The following PAK5 variants were observed in gnomAD, a reference collection of about 807,000 sequenced individuals.
PAK5 encodes serine/threonine-protein kinase PAK 5.
Under a neutral mutation model 65.9 loss-of-function variants are expected in PAK5, and 16 were observed. The ratio of observed to expected loss-of-function variants is 0.24; its 90% CI spans 0.16 to 0.37. PAK5 has a LOEUF of 0.37. Ranked by LOEUF, PAK5 falls within the 10% of genes least tolerant of loss-of-function variation. The pLI is 1.00. For missense variants in PAK5, 785 were observed against 903.9 expected (o/e 0.87, Z 1.69); for synonymous variants, 371 against 354.9 (o/e 1.05, Z -0.51).
At chr20:9,572,616 G>C (rs974937716) in intron 4 of PAK5, among the ~76,000 whole-genome samples, 1 of 152,210 alleles carries the variant, frequency 6.6e-6, no homozygotes, top group African/African-American at 2.4e-5. Context: ...ACAATGCAGT[G>C]GAATGGGACT....
At chr20:9,544,301 A>G in intron 8 of PAK5, 68 bp downstream of exon 8, 2 of 1,542,570 alleles carry the variant, frequency 1.3e-6, no homozygotes, top group Non-Finnish European at 1.8e-6. Context: ...GTCACCAACT[A>G]TCTCAGAACC....
At chr20:9,579,420 C>T (rs890582346) in intron 4 of PAK5, among the ~76,000 whole-genome samples, 1 of 152,162 alleles carries the variant, frequency 6.6e-6, no homozygotes, top group Non-Finnish European at 1.5e-5. Context: ...GTTTCAGTAA[C>T]TTCTCCGGCA....
At chr20:9,764,986 A>G (rs2048741056) in intron 1 of PAK5, among the ~76,000 whole-genome samples, 1 of 152,166 alleles carries the variant, frequency 6.6e-6, no homozygotes, top group South Asian at 2.1e-4. Flanking sequence ...TTAGGCAATG[A>G]CCTATGAGTG....
At chr20:9,560,191 G>A (rs6039502) in intron 6 of PAK5, among the ~76,000 whole-genome samples, 68,975 of 151,982 alleles carry the variant, frequency 0.45, 19,453 homozygotes, top group African/African-American at 0.8. Flanking sequence ...TCCTAATCCA[G>A]TGTCTTTGAA....
At chr20:9,833,769 A>C (rs1032764670) in intron 1 of PAK5, among the ~76,000 whole-genome samples, 1 of 152,232 alleles carries the variant, frequency 6.6e-6, no homozygotes, top group Non-Finnish European at 1.5e-5. Flanking sequence ...TCATCTTTCT[A>C]CCAAAGCATA....
intron 9 of PAK5, among the ~76,000 whole-genome samples, chr20:9,541,576 C>T (rs1347507521): frequency 6.6e-6 from 1 of 152,182 alleles, no homozygotes; most frequent in East Asian, 1.9e-4. Flanking sequence ...CCACTTGATG[C>T]TCCCCGTGCC....
At chr20:9,620,107 G>A (rs2046742860) in intron 3 of PAK5, among the ~76,000 whole-genome samples, 1 of 152,240 alleles carries the variant, frequency 6.6e-6, no homozygotes, top group Admixed American at 6.5e-5. Flanking sequence ...TACAGAAAGT[G>A]AGGGCAGAAA....
In PAK5 at chr20:9,566,325, G is replaced by C. The variant is rs2045679797; in HGVS notation, c.1050C>G (p.Tyr350Ter). The stretch of plus-strand genomic sequence containing the variant: ...GAGGTAGTTTGGCAGGGCCCCTGGG[G>C]TAGGTGTCAGACCCTGACAGTGGAG... ...LSPPLSGSDT[Y>*]PRGPAKLPQS... is the part of the protein sequence containing the mutation. The change falls in exon 5 of 10, where the codon TAC (tyrosine) becomes TAG (stop). Residue 350 changes from tyrosine (Y) to a stop codon, truncating the protein, a stop_gained. Transcript: ENST00000353224. LOFTEE classifies it high-confidence loss of function. 3 of 1,613,656 alleles carry C rather than the reference G, an allele frequency of 1.9e-6. No homozygotes were observed. Among genetic ancestry groups the C allele is most frequent in the Non-Finnish European group, 2.5e-6 (3 of 1,179,802 alleles).
intron 1 of PAK5, among the ~76,000 whole-genome samples, chr20:9,760,715 A>G (rs1311562287): frequency 7.7e-6 from 1 of 129,624 alleles, no homozygotes; most frequent in Non-Finnish European, 1.5e-5. Flanking sequence ...TTTGTCACTC[A>G]GGCTGGAGTG....
rs1447686683 is a variant in PAK5, at chr20:9,580,409, G to C, written c.726C>G (p.Thr242=). 1 of 1,614,052 alleles carries C rather than the reference G, an allele frequency of 6.2e-7. No individual in the cohort carries two copies. The highest frequency in any genetic ancestry group is 8.5e-7 in the Non-Finnish European group (1 of 1,180,014). The change falls in exon 4 of 10, where the codon ACC becomes ACG. Residue 242 remains threonine, a synonymous_variant. Transcript: ENST00000353224. ...FQFTPSRTAG[T]SGCSKESLAY... ...CCAGGCTCTCCTTGGAGCACCCGCT[G>C]GTCCCTGCAGTTCTAGAAGGTGTGA...
At chr20:9,740,418 G>T (rs2048438614) in intron 1 of PAK5, among the ~76,000 whole-genome samples, 1 of 152,182 alleles carries the variant, frequency 6.6e-6, no homozygotes, top group Admixed American at 6.5e-5. Flanking sequence ...GTAACCTGTA[G>T]ATTTGGTAAT....
At chr20:9,826,926 A>G (rs565899119) in intron 1 of PAK5, among the ~76,000 whole-genome samples, 1 of 152,294 alleles carries the variant, frequency 6.6e-6, no homozygotes, top group East Asian at 1.9e-4. Context: ...TTTTTCAAGA[A>G]GCTCAGTTTA....
intron 3 of PAK5, among the ~76,000 whole-genome samples, chr20:9,636,668 T>C (rs2046986507): frequency 6.6e-6 from 1 of 152,130 alleles, no homozygotes; most frequent in Non-Finnish European, 1.5e-5. Flanking sequence ...TTAAAAAACT[T>C]CAAAACAGCT....
chr20:9,806,036 C>A (rs369462975), intron 1 of PAK5, among the ~76,000 whole-genome samples: 1 of 152,184 alleles, frequency 6.6e-6, no homozygotes, highest in Non-Finnish European at 1.5e-5. Flanking sequence ...ATGATCTCAG[C>A]CCCCTGCAAC....
At chr20:9,560,085 G>T (rs1378013504) in intron 6 of PAK5, among the ~76,000 whole-genome samples, 1 of 152,170 alleles carries the variant, frequency 6.6e-6, no homozygotes, top group African/African-American at 2.4e-5. Context: ...GAGGTATAAA[G>T]ATTCTTTACA....
chr20:9,586,987 C>T (rs2046080913), intron 3 of PAK5, among the ~76,000 whole-genome samples: 1 of 152,082 alleles, frequency 6.6e-6, no homozygotes, highest in African/African-American at 2.4e-5. Context: ...AAGTCACTGT[C>T]TCTTAATCCA....
chr20:9,687,886 GGTGTGTGT>G (rs111641971), intron 2 of PAK5, among the ~76,000 whole-genome samples: 10 of 148,626 alleles, frequency 6.7e-5, no homozygotes, highest in Admixed American at 3.4e-4. Flanking sequence ...AAGAGAGGGA[GGTGTGTGT>G]GTGTGTGTGT....
At chr20:9,743,151 T>C (rs367898253) in intron 1 of PAK5, among the ~76,000 whole-genome samples, 1 of 152,092 alleles carries the variant, frequency 6.6e-6, no homozygotes, top group African/African-American at 2.4e-5. Context: ...GAGGATCGCT[T>C]GAGCCCAGGA....
intron 1 of PAK5, among the ~76,000 whole-genome samples, chr20:9,790,040 A>T (rs962617789): frequency 9.2e-5 from 14 of 152,200 alleles, no homozygotes; most frequent in Admixed American, 6.5e-4. Flanking sequence ...TAGTTTAAGG[A>T]GCTTCATTCT....
Sources: gnomAD v4.1 joint callset for allele counts (sites outside exome capture counted in the v4.1 genomes callset) on GRCh38, gnomAD v4.1.1 for gene constraint, MANE v1.5 for transcripts, NCBI Gene and HGNC (gene_info 2026-07-23, HGNC 2026-07-21) for gene names.